The following CFTR variants were observed in gnomAD, a reference collection of about 807,000 sequenced individuals.
The protein encoded by CFTR is CF transmembrane conductance regulator.
CFTR carries 181 observed loss-of-function variants against 171.6 expected under a neutral mutation model. That is an observed-to-expected ratio of 1.05 (90% CI 0.93 to 1.19). CFTR has a LOEUF of 1.19. CFTR is among the 50% of genes most tolerant of loss of function. CFTR has a pLI of 0.00. For missense variants in CFTR, 1,968 were observed against 1,734.7 expected (o/e 1.13, Z -2.39); for synonymous variants, 583 against 608.0 (o/e 0.96, Z 0.60).
chr7:117,569,336 G>A (rs892044410), intron 11 of CFTR, among the ~76,000 whole-genome samples: 2 of 152,088 alleles, frequency 1.3e-5, no homozygotes, highest in East Asian at 1.9e-4. Flanking sequence ...TAAATGATAC[G>A]CAATGCTCAA....
chr7:117,601,460 C>T (rs1481112854), intron 15 of CFTR, among the ~76,000 whole-genome samples: 1 of 152,028 alleles, frequency 6.6e-6, no homozygotes, highest in Non-Finnish European at 1.5e-5. Flanking sequence ...TTATATACCT[C>T]ATTATAGTAC....
At chr7:117,635,587 T>C (rs1029919137) in intron 22 of CFTR, among the ~76,000 whole-genome samples, 3 of 152,088 alleles carry the variant, frequency 2.0e-5, no homozygotes, top group Non-Finnish European at 4.4e-5. Flanking sequence ...ATGTTTCCAT[T>C]TTCTTTTCTT....
rs780187979 is a variant in CFTR at position 117,594,996 on chromosome 7, A to T, written c.2557A>T (p.Ile853Phe). The change falls in exon 15 of 27, where the codon ATT (isoleucine) becomes TTT (phenylalanine). Residue 853 changes from isoleucine (I) to phenylalanine (F), a missense_variant. Coordinates refer to ENST00000003084, the MANE Select transcript of CFTR (RefSeq NM_000492.4). The part of the protein sequence containing the change: ...VTTWNTYLRY[I>F]TVHKSLIFVL... Reference sequence around the variant, plus strand: ...TACATGGAACACATACCTTCGATATATTACTGTCCACAAGAGCTTAATTTT... The same window carrying T: ...TACATGGAACACATACCTTCGATATTTTACTGTCCACAAGAGCTTAATTTT... 7.4e-6 allele frequency: 12 copies of T among 1,612,898 alleles called. No individual in the cohort carries two copies. The East Asian group carries it at 1.6e-4, about 21-fold the overall frequency.
At chr7:117,482,880 G>A (rs1640051152) in intron 1 of CFTR, among the ~76,000 whole-genome samples, 1 of 152,180 alleles carries the variant, frequency 6.6e-6, no homozygotes, top group Non-Finnish European at 1.5e-5. Context: ...CGTGATATCT[G>A]TGCTATGTCT....
intron 10 of CFTR, among the ~76,000 whole-genome samples, chr7:117,551,212 T>A (rs1201401285): frequency 1.3e-5 from 2 of 152,272 alleles, no homozygotes; most frequent in East Asian, 3.9e-4. Context: ...TAAATTTTGG[T>A]GTAGTTCTAT....
chr7:117,644,209 G>A (rs1792962895), intron 23 of CFTR, among the ~76,000 whole-genome samples: 1 of 152,048 alleles, frequency 6.6e-6, no homozygotes, highest in Admixed American at 6.6e-5. Context: ...TTCTGGGGCT[G>A]GCTCTCAGTA....
At chr7:117,488,387 AAAGT>A (rs1402897726) in intron 1 of CFTR, among the ~76,000 whole-genome samples, 1 of 152,154 alleles carries the variant, frequency 6.6e-6, no homozygotes, top group Non-Finnish European at 1.5e-5. Flanking sequence ...AATAATTTTA[AAAGT>A]AAGTGAAACA....
chr7:117,636,346 A>G (rs1227522353), intron 22 of CFTR, among the ~76,000 whole-genome samples: 1 of 152,050 alleles, frequency 6.6e-6, no homozygotes, highest in Non-Finnish European at 1.5e-5. Flanking sequence ...TTTCTTTTTG[A>G]ACATGATATG....
chr7:117,608,398 T>G (rs1171022326), intron 18 of CFTR, among the ~76,000 whole-genome samples: 1 of 152,070 alleles, frequency 6.6e-6, no homozygotes, highest in Admixed American at 6.5e-5. Flanking sequence ...AGAGATGGGG[T>G]TTCACCACGT....
At chr7:117,515,031 T>C (rs1200010220) in intron 3 of CFTR, among the ~76,000 whole-genome samples, 1 of 152,152 alleles carries the variant, frequency 6.6e-6, no homozygotes, top group Admixed American at 6.6e-5. Context: ...TTTAAGTGCC[T>C]TGTAAATTCT....
At chr7:117,484,064 T>C (rs1798036894) in intron 1 of CFTR, among the ~76,000 whole-genome samples, 2 of 152,192 alleles carry the variant, frequency 1.3e-5, no homozygotes, top group African/African-American at 4.8e-5. Context: ...TATTTACATG[T>C]TTGCAATTTG....
chr7:117,523,228 TC>T (rs1414273585), intron 3 of CFTR, among the ~76,000 whole-genome samples: 1 of 152,130 alleles, frequency 6.6e-6, no homozygotes, highest in Admixed American at 6.5e-5. Context: ...GAGCCTGTAA[TC>T]CCAGCTACTT....
intron 18 of CFTR, 95 bp downstream of exon 18, chr7:117,606,848 A>C (rs536135243): frequency 2.5e-6 from 2 of 808,632 alleles, no homozygotes. Flanking sequence ...TATTTGATTG[A>C]GGGTTGAAGT....
intron 23 of CFTR, among the ~76,000 whole-genome samples, chr7:117,649,513 A>AT (rs1347532570): frequency 2.5e-4 from 31 of 122,564 alleles, no homozygotes; most frequent in African/African-American, 1.1e-3. Context: ...ATATATATAT[A>AT]TATATATTTT....
At chr7:117,492,372 T>C (rs1476161719) in intron 1 of CFTR, among the ~76,000 whole-genome samples, 1 of 151,886 alleles carries the variant, frequency 6.6e-6, no homozygotes, top group Admixed American at 6.6e-5. Context: ...TGGCTTTTAA[T>C]ATATTTGACC....
chr7:117,595,670 G>A (rs1792108782), intron 15 of CFTR, among the ~76,000 whole-genome samples: 1 of 151,960 alleles, frequency 6.6e-6, no homozygotes, highest in African/African-American at 2.4e-5. Context: ...GATTGCTTGA[G>A]CCCAGGGGTC....
chr7:117,650,229 G>A (rs1436901828), intron 23 of CFTR, among the ~76,000 whole-genome samples: 1 of 152,172 alleles, frequency 6.6e-6, no homozygotes, highest in South Asian at 2.1e-4. Context: ...AGATGCAAGA[G>A]TGAAAGGGAA....
At chr7:117,552,997 A>AACCTTAGAGAGACCCTCAC (rs1357092211) in intron 10 of CFTR, among the ~76,000 whole-genome samples, 3 of 152,054 alleles carry the variant, frequency 2.0e-5, no homozygotes, top group African/African-American at 7.3e-5. Context: ...TTATAAAAGA[A>AACCTTAGAGAGACCCTCAC]ACCTTAGAGA....
At chr7:117,664,573 A>G in intron 24 of CFTR, 115 bp from the exon 25 acceptor site, 3 of 918,356 alleles carry the variant, frequency 3.3e-6, no homozygotes, top group East Asian at 2.4e-5. Context: ...TAGTGGGGGT[A>G]GAGGGATTGG....
Sources: allele counts gnomAD v4.1 joint callset (sites outside exome capture counted in the v4.1 genomes callset), GRCh38; gene constraint gnomAD v4.1.1; transcripts MANE v1.5; gene names NCBI Gene and HGNC (gene_info 2026-07-23, HGNC 2026-07-21).